Variants in OR2V2 observed in about 807,000 individuals in gnomAD.
OR2V2 encodes the protein olfactory receptor family 2 subfamily V member 2.
For synonymous variants in OR2V2, 161 were observed against 151.3 expected (o/e 1.06, Z -0.47); for missense variants, 392 against 392.2 (o/e 1.00, Z 0.00).
intron 1 of OR2V2, among the ~76,000 whole-genome samples, chr5:181,154,333 T>C (rs377630360): frequency 1.3e-5 from 2 of 152,126 alleles, no homozygotes; most frequent in East Asian, 3.9e-4. Context: ...CTCACACCTG[T>C]AATCCCAGCA....
At position 181,158,839 on chromosome 5, in the gene OR2V2, C is replaced by T. The variant is rs1763298723; in HGVS notation, c.*2949C>T. On this transcript the variant is annotated 3_prime_UTR_variant, in exon 2 of 2. Coordinates refer to ENST00000641492, the MANE Select transcript of OR2V2 (RefSeq NM_206880.2). ...GCCAACTACCTTACCAAATCCTTTC[C>T]CATCAAGTTGTCTGTTCATTTTATT... 1 of 151,954 alleles carries T rather than the reference C, an allele frequency of 6.6e-6. No homozygotes were observed. The highest frequency in any genetic ancestry group is 6.6e-5 in the Admixed American group (1 of 15,248). The allele number at this position is 151,954 out of a possible 1,614,324, so 9.4% of individuals were successfully genotyped here.
At chr5:181,148,720 C>T (rs1045613209) in intron 1 of OR2V2, among the ~76,000 whole-genome samples, 17 of 152,162 alleles carry the variant, frequency 1.1e-4, no homozygotes, top group African/African-American at 3.6e-4. Flanking sequence ...GCATGGAGCC[C>T]GCCTCCTGGC....
chr5:181,159,217 T>C lies in OR2V2; in HGVS notation c.*3327T>C, dbSNP rs989595717. On this transcript the variant is annotated 3_prime_UTR_variant, in exon 2 of 2. Transcript: ENST00000641492. ...GAGTTTGAGACCAGCCTGGGCAACA[T>C]AGCGAAACCCCATCTCTAGAACAAT... is the stretch of plus-strand genomic sequence containing the variant. 1.3e-5 allele frequency: 2 copies of C among 152,238 alleles called. No homozygotes were observed. Among genetic ancestry groups the C allele is most frequent in the Non-Finnish European group, 2.9e-5 (2 of 68,072 alleles). 9.4% of individuals were successfully genotyped at this position (152,238 alleles called of 1,614,324 possible).
chr5:181,149,352 A>G (rs1281355232), intron 1 of OR2V2, among the ~76,000 whole-genome samples: 2 of 152,168 alleles, frequency 1.3e-5, no homozygotes, highest in Non-Finnish European at 2.9e-5. Context: ...TGACCTGGGC[A>G]GCTGGACAGA....
chr5:181,154,090 C>T (rs1763225368), intron 1 of OR2V2, among the ~76,000 whole-genome samples: 1 of 152,192 alleles, frequency 6.6e-6, no homozygotes, highest in African/African-American at 2.4e-5. Flanking sequence ...TGGGGCACAA[C>T]AGGAGAACAT....
rs57898232 is a variant in OR2V2, at chr5:181,154,589, C to CAA, written c.-24-315_-24-314dup. The stretch of plus-strand genomic sequence containing the variant: ...TGGGCGACTGAGCAAGACTCCATCT[C>CAA]AAAAAAAAAAAAAAAAGACTCTGTA... On this transcript the variant is annotated intron_variant, in intron 1 of 1. Coordinates refer to ENST00000641492, the MANE Select transcript of OR2V2 (RefSeq NM_206880.2). 1.5e-3 allele frequency among the ~76,000 whole-genome samples: 178 copies of CAA among 115,030 alleles called. 2 individuals carry two copies. Among genetic ancestry groups the CAA allele is most frequent in the African/African-American group, 3.9e-3 (129 of 32,896 alleles). 75.5% of individuals were successfully genotyped at this position (115,030 alleles called of 152,430 possible).
rs1763286813 is a variant in OR2V2, at chr5:181,157,999, C to A, written c.*2109C>A. The A allele has an allele frequency of 6.6e-6, 1 of 152,196 alleles. No individual in the cohort carries two copies. The highest frequency in any genetic ancestry group is 2.1e-4 in the South Asian group (1 of 4,832). 9.4% of individuals were successfully genotyped at this position (152,196 alleles called of 1,614,324 possible). A position where few individuals can be genotyped will look rare whatever the true frequency, so the allele number is the denominator to read the frequency against. On this transcript the variant is annotated 3_prime_UTR_variant, in exon 2 of 2. Transcript: ENST00000641492. ...CAAGCAAAAGTTTCACCAGCCTTTA[C>A]CTTATCTAGTCCCATGATGGGGAAA...
In OR2V2 at chr5:181,156,977, C is replaced by T. The variant is rs1033203156; in HGVS notation, c.*1087C>T. On this transcript the variant is annotated 3_prime_UTR_variant, in exon 2 of 2. Transcript: ENST00000641492. ...TGTGTGCTGCTCTGTGTCAGCTCAG[C>T]TTCTGTAAGGAGAAAACTGGCTGAA... The T allele has an allele frequency of 1.3e-5, 2 of 152,250 alleles. No homozygotes were observed. Among genetic ancestry groups the T allele is most frequent in the Non-Finnish European group, 2.9e-5 (2 of 68,038 alleles). 9.4% of individuals were successfully genotyped at this position (152,250 alleles called of 1,614,324 possible).
At chr5:181,151,321 G>C (rs1319734867) in intron 1 of OR2V2, among the ~76,000 whole-genome samples, 3 of 152,200 alleles carry the variant, frequency 2.0e-5, no homozygotes, top group Non-Finnish European at 4.4e-5. Flanking sequence ...GCCCTTGCTG[G>C]GAGTGTGTTG....
rs915982242 is a variant in OR2V2, at chr5:181,158,096, C to G, written c.*2206C>G. 1 of 152,118 alleles carries G rather than the reference C, an allele frequency of 6.6e-6. No homozygotes were observed. The highest frequency in any genetic ancestry group is 1.5e-5 in the Non-Finnish European group (1 of 68,038). 9.4% of individuals were successfully genotyped at this position (152,118 alleles called of 1,614,324 possible). A position where few individuals can be genotyped will look rare whatever the true frequency, so the allele number is the denominator to read the frequency against. ...CTTAATTCATTTCCCGCACAAGGAC[C>G]AGGGAATTCCATTGAAAATTATCTA... On this transcript the variant is annotated 3_prime_UTR_variant, in exon 2 of 2. Transcript: ENST00000641492.
chr5:181,148,128 T>A, intron 1 of OR2V2, 133 bp downstream of exon 1: 1 of 394,054 alleles, frequency 2.5e-6, no homozygotes, highest in Non-Finnish European at 4.5e-6. Context: ...CATCAGGGTG[T>A]AATTGTTTGG....
chr5:181,154,318 G>A (rs764969931), intron 1 of OR2V2, among the ~76,000 whole-genome samples: 8 of 152,230 alleles, frequency 5.3e-5, no homozygotes, highest in Admixed American at 2.6e-4. Context: ...GGCCGGGCGC[G>A]GTGGCTCACA....
rs150704469 is a variant in OR2V2, at chr5:181,155,759, A to C, written c.817A>C (p.Lys273Gln). The C allele has an allele frequency of 6.8e-5, 110 of 1,614,158 alleles. No individual in the cohort carries two copies. The highest frequency in any genetic ancestry group is 3.0e-4 in the Admixed American group (18 of 60,026). ...GCACTACCGGGCCCCCAGCCATGACAAGGTGGCCTCTATCTTCTACACGGT... is the reference window on the plus strand; with the variant it reads ...GCACTACCGGGCCCCCAGCCATGACCAGGTGGCCTCTATCTTCTACACGGT... ...PRHYRAPSHDKVASIFYTVLT... is the reference protein window; with the variant it reads ...PRHYRAPSHDQVASIFYTVLT... Residue 273 changes from lysine to glutamine, a missense_variant, in exon 2 of 2, where the codon AAG (lysine) becomes CAG (glutamine). Physicochemically the swap from Lys to Gln is moderately conservative, Grantham distance 53 (BLOSUM62 1). Coordinates refer to ENST00000641492, the MANE Select transcript of OR2V2 (RefSeq NM_206880.2).
chr5:181,154,789 C>T (rs1392422118), intron 1 of OR2V2, 130 bp from the exon 2 acceptor site: 1 of 640,294 alleles, frequency 1.6e-6, no homozygotes, highest in Admixed American at 2.6e-5. Flanking sequence ...TGGAGTGTCC[C>T]CTATTATGTC....
intron 1 of OR2V2, among the ~76,000 whole-genome samples, chr5:181,154,506 C>T (rs934082798): frequency 2.0e-5 from 3 of 150,408 alleles, no homozygotes; most frequent in East Asian, 2.0e-4. Context: ...AGGAGAATGG[C>T]GTGAACCCTG....
At position 181,157,284 on chromosome 5, in the gene OR2V2, G is replaced by A. The variant is rs1287722915; in HGVS notation, c.*1394G>A. On this transcript the variant is annotated 3_prime_UTR_variant, in exon 2 of 2. Transcript: ENST00000641492. The stretch of plus-strand genomic sequence containing the variant: ...AGGCTTTGGAGAGGTGGAGGGAAGT[G>A]GCACCCAGGGCCTACCGTGGTTGAC... 4 of 152,408 alleles carry A rather than the reference G, an allele frequency of 2.6e-5. No homozygotes were observed. The East Asian group carries it at 7.7e-4, about 29-fold the overall frequency. 9.4% of individuals were successfully genotyped at this position (152,408 alleles called of 1,614,324 possible).
At position 181,158,321 on chromosome 5, in the gene OR2V2, G is replaced by A. The variant is rs1763292257; in HGVS notation, c.*2431G>A. ...TAGAGATTTGTAAGAAAATAATATAGAGAGGAAATACATGTGGGGGGGGGG... is the reference window on the plus strand; with the variant it reads ...TAGAGATTTGTAAGAAAATAATATAAAGAGGAAATACATGTGGGGGGGGGG... On this transcript the variant is annotated 3_prime_UTR_variant, in exon 2 of 2. Transcript: ENST00000641492. 3.3e-5 allele frequency: 4 copies of A among 122,524 alleles called. No individual in the cohort carries two copies. The South Asian group carries it at 1.2e-3, about 36-fold the overall frequency. The allele number at this position is 122,524 out of a possible 1,614,324, so 7.6% of individuals were successfully genotyped here.
At chr5:181,152,461 G>A (rs1023935264) in intron 1 of OR2V2, among the ~76,000 whole-genome samples, 1 of 152,194 alleles carries the variant, frequency 6.6e-6, no homozygotes, top group Admixed American at 6.5e-5. Flanking sequence ...TTGCTGAAGA[G>A]TGGCATTGGT....
rs117480405 is a variant in OR2V2, at chr5:181,151,492, T to G, written c.-24-3427T>G. ...CAGCACATGCATTGTGCCAAAGAGG[T>G]GCCACGTGCATGGGAAGGGATCGTC... On this transcript the variant is annotated intron_variant, in intron 1 of 1. Transcript: ENST00000641492. Among the ~76,000 whole-genome samples the G allele has an allele frequency of 6.2e-3, 937 of 152,156 alleles. 24 individuals carry two copies. The highest frequency in any genetic ancestry group is 0.05 in the Admixed American group (763 of 15,280).
Sources: allele counts gnomAD v4.1 joint callset (sites outside exome capture counted in the v4.1 genomes callset), GRCh38; gene constraint gnomAD v4.1.1; transcripts MANE v1.5; gene names NCBI Gene and HGNC (gene_info 2026-07-23, HGNC 2026-07-21).